Variants in TRPM2 observed in about 807,000 individuals in gnomAD.
The protein encoded by TRPM2 is estrogen-responsive element-associated gene 1 protein.
Under a neutral mutation model 174.0 loss-of-function variants are expected in TRPM2, and 161 were observed. That is an observed-to-expected ratio of 0.93 (90% confidence interval 0.81 to 1.05). The LOEUF (loss-of-function observed/expected upper bound fraction) is 1.05, where lower values mean the gene tolerates loss of function less well. Ranked by LOEUF, TRPM2 falls within the 50% of genes least tolerant of loss-of-function variation. TRPM2 has a pLI of 0.00. For synonymous variants in TRPM2, 954 were observed against 861.3 expected, an observed-to-expected ratio of 1.11 and a Z score of -1.88; for missense variants, 2,057 against 2,038.0, an observed-to-expected ratio of 1.01 and a Z score of -0.18.
At chr21:44,435,350 G>A in intron 28 of TRPM2, 133 bp downstream of exon 28, 1 of 892,282 alleles carries the variant, frequency 1.1e-6, no homozygotes, top group Non-Finnish European at 1.7e-6. Context: ...TGCCTACTGG[G>A]GGGATGCGGG....
intron 27 of TRPM2, among the ~76,000 whole-genome samples, chr21:44,429,136 C>T (rs978696017): frequency 2.0e-5 from 3 of 152,082 alleles, no homozygotes; most frequent in African/African-American, 7.2e-5. Flanking sequence ...TATTTGTCAA[C>T]ATTTATTTAT....
chr21:44,366,783 C>T lies in TRPM2; in HGVS notation c.453C>T (p.Ser151=). Residue 151 remains serine, a synonymous_variant, in exon 4 of 32, where the codon TCC becomes TCT. Coordinates refer to ENST00000397928, the MANE Select transcript of TRPM2 (RefSeq NM_003307.4). This position sits in a 1 kb window ranked among gnomAD's most constrained non-coding sequence, Gnocchi z 6.0. ...KYVRVSQDTP[S]SVIYHLMTQH... ...TCCGAGTCTCCCAGGACACGCCCTCCAGCGTGATCTACCACCTCATGACCC... is the reference window on the plus strand; with the variant it reads ...TCCGAGTCTCCCAGGACACGCCCTCTAGCGTGATCTACCACCTCATGACCC... The T allele has an allele frequency of 6.2e-7, 1 of 1,614,070 alleles. No individual in the cohort carries two copies. Among genetic ancestry groups the T allele is most frequent in the South Asian group, 1.1e-5 (1 of 91,072 alleles).
chr21:44,393,130 A>G (rs1029192637), intron 11 of TRPM2, among the ~76,000 whole-genome samples: 1 of 152,000 alleles, frequency 6.6e-6, no homozygotes, highest in African/African-American at 2.4e-5. Flanking sequence ...CGTAATCTCC[A>G]CCCTGATTCA....
intron 19 of TRPM2, among the ~76,000 whole-genome samples, chr21:44,409,318 C>T: frequency 6.6e-6 from 1 of 152,178 alleles, no homozygotes; most frequent in East Asian, 1.9e-4. Flanking sequence ...CCTGTTGTCC[C>T]AGCACTATTT....
At chr21:44,387,268 T>C (rs1833984354) in intron 9 of TRPM2, among the ~76,000 whole-genome samples, 1 of 152,200 alleles carries the variant, frequency 6.6e-6, no homozygotes, top group Non-Finnish European at 1.5e-5. Context: ...GGTCAAATGA[T>C]ATTTGACAGG....
At chr21:44,426,600 C>G in intron 25 of TRPM2, 60 bp from the exon 26 acceptor site, 1 of 1,567,292 alleles carries the variant, frequency 6.4e-7, no homozygotes. Context: ...CACCCTGGTG[C>G]CTGGCCCAGC....
At chr21:44,434,194 G>A (rs918605628) in intron 27 of TRPM2, among the ~76,000 whole-genome samples, 2 of 152,208 alleles carry the variant, frequency 1.3e-5, no homozygotes, top group African/African-American at 4.8e-5. Context: ...AATGGTGGAG[G>A]AACGATACCA....
chr21:44,364,842 G>T (rs1287063256), intron 3 of TRPM2, among the ~76,000 whole-genome samples: 1 of 152,218 alleles, frequency 6.6e-6, no homozygotes, highest in Non-Finnish European at 1.5e-5. Context: ...ACTGCTGGAG[G>T]GAGGCCCAGG....
chr21:44,354,601 G>T lies in TRPM2; in HGVS notation c.166-47G>T. The T allele has an allele frequency of 6.5e-7, 1 of 1,546,446 alleles. No individual in the cohort carries two copies. The highest frequency in any genetic ancestry group is 1.4e-5 in the African/African-American group (1 of 73,680). The stretch of plus-strand genomic sequence containing the variant: ...GATGTGTCTCCAGGGGGCTGGGTGT[G>T]CTCTTTCGAATGTTGGAAGATCTCA... On this transcript the variant is annotated intron_variant, in intron 1 of 31. Transcript: ENST00000397928. This position sits in a 1 kb window ranked among gnomAD's most constrained non-coding sequence, Gnocchi z 4.3.
At chr21:44,352,300 C>T (rs1441683030), upstream of TRPM2, among the ~76,000 whole-genome samples, 1 of 152,132 alleles carries the variant, frequency 6.6e-6, no homozygotes, top group African/African-American at 2.4e-5. Flanking sequence ...TTACGGGTCT[C>T]GGAATGAGTG....
chr21:44,399,346 C>T lies in TRPM2; in HGVS notation c.2113C>T (p.Leu705Phe), dbSNP rs756245108. Residue 705 changes from leucine to phenylalanine, a missense_variant, in exon 14 of 32, where the codon CTC (leucine) becomes TTC (phenylalanine). Transcript: ENST00000397928. The surrounding 1 kb of genome is among the most constrained non-coding windows in gnomAD (Gnocchi z 4.6). Reference protein sequence around the residue: ...RKDEERAQKLLTRVSEAWGKT... With the variant: ...RKDEERAQKLFTRVSEAWGKT... Reference sequence around the variant, plus strand: ...GGACGAAGAGAGAGCCCAGAAACTGCTCACCCGCGTGTCCGAGGCCTGGGG... The same window carrying T: ...GGACGAAGAGAGAGCCCAGAAACTGTTCACCCGCGTGTCCGAGGCCTGGGG... 1 of 1,612,870 alleles carries T rather than the reference C, an allele frequency of 6.2e-7. No individual in the cohort carries two copies. Among genetic ancestry groups the T allele is most frequent in the Admixed American group, 1.7e-5 (1 of 60,018 alleles).
At chr21:44,435,782 C>A (rs894397223) in intron 28 of TRPM2, among the ~76,000 whole-genome samples, 1 of 143,800 alleles carries the variant, frequency 7.0e-6, no homozygotes, top group African/African-American at 2.6e-5. Context: ...GGGACACAGC[C>A]CCACACTCAC....
rs2048393949 is a variant in TRPM2 at position 44,367,446 on chromosome 21, G to T, written c.604+512G>T. Among the ~76,000 whole-genome samples the T allele has an allele frequency of 6.6e-6, 1 of 152,196 alleles. No individual in the cohort carries two copies. ...TATTATTTCCATCTCTTCACTTAAG[G>T]CAACTGCCTGGTTGGAGTCAAATCA... On this transcript the variant is annotated intron_variant, in intron 4 of 31. Transcript: ENST00000397928. The surrounding 1 kb of genome is among the most constrained non-coding windows in gnomAD (Gnocchi z 4.6).
At position 44,379,529 on chromosome 21, in the gene TRPM2, G is replaced by A. The variant is rs113509821; in HGVS notation, c.1215+332G>A. Among the ~76,000 whole-genome samples, 732 of 152,360 alleles carry A rather than the reference G, an allele frequency of 4.8e-3. 8 individuals carry two copies. The highest frequency in any genetic ancestry group is 0.016 in the African/African-American group (677 of 41,594). ...GGCAGGCGCTGGGGAGGCCTCAGCC[G>A]AGTCGGGCAGCAGGGCAGCTGCTGA... On this transcript the variant is annotated intron_variant, in intron 8 of 31. Coordinates refer to ENST00000397928, the MANE Select transcript of TRPM2 (RefSeq NM_003307.4).
intron 14 of TRPM2, 21 bp from the exon 15 acceptor site, chr21:44,400,238 T>C: frequency 6.2e-7 from 1 of 1,605,126 alleles, no homozygotes; most frequent in Non-Finnish European, 8.5e-7. Flanking sequence ...ACTGCCATCC[T>C]GAGACTGCCC....
At chr21:44,372,268 C>G (rs2048564534) in intron 5 of TRPM2, among the ~76,000 whole-genome samples, 1 of 152,232 alleles carries the variant, frequency 6.6e-6, no homozygotes, top group South Asian at 2.1e-4. Context: ...CTTTGGGAGG[C>G]CAAGGCAGGC....
intron 22 of TRPM2, among the ~76,000 whole-genome samples, chr21:44,420,406 A>C (rs1601220467): frequency 6.6e-6 from 1 of 152,316 alleles, no homozygotes; most frequent in East Asian, 1.9e-4. Flanking sequence ...TGGGATGTAG[A>C]GCAGGCCCAG....
rs2146194803 is a variant in TRPM2 at position 44,376,278 on chromosome 21, G to T, written c.952+265G>T. 6.6e-6 allele frequency among the ~76,000 whole-genome samples: 1 copy of T among 152,308 alleles called. No individual in the cohort carries two copies. Among genetic ancestry groups the T allele is most frequent in the South Asian group, 2.1e-4 (1 of 4,826 alleles). The stretch of plus-strand genomic sequence containing the variant: ...CTCGGAACGTCCTCAGAACACACCT[G>T]GGTTTCTTTCCCGTGTCTCTTTATA... On this transcript the variant is annotated intron_variant, in intron 6 of 31. Transcript: ENST00000397928. This position sits in a 1 kb window ranked among gnomAD's most constrained non-coding sequence, Gnocchi z 4.2.
rs769528872 is a variant in TRPM2 at position 44,441,802 on chromosome 21, CG to C, written c.4501del (p.Ala1501LeufsTer15). On this transcript the variant is annotated frameshift_variant, in exon 32 of 32. Transcript: ENST00000397928. LOFTEE classifies it high-confidence loss of function. ...TCCTCCAGAAGGCAGCCGCTGAGTT[CG>C]GGGCTCACTACTGACTGTGCCCTCA... ...TLLQKAAAEF[G>X]AHY is the part of the protein sequence containing the mutation. The C allele has an allele frequency of 3.1e-5, 50 of 1,608,954 alleles. No homozygotes were observed. The highest frequency in any genetic ancestry group is 4.0e-5 in the Non-Finnish European group (47 of 1,177,742).
Sources: allele counts gnomAD v4.1 joint callset (sites outside exome capture counted in the v4.1 genomes callset), GRCh38; gene constraint gnomAD v4.1.1; non-coding constraint Gnocchi (gnomAD v3.1); transcripts MANE v1.5; gene names NCBI Gene and HGNC (gene_info 2026-07-23, HGNC 2026-07-21).